COL5A1: variants seen among roughly 807,000 people sequenced by gnomAD.
COL5A1 encodes collagen alpha-1(V) chain.
COL5A1 carries 16 observed loss-of-function variants against 263.7 expected under a neutral mutation model. The observed-to-expected ratio is 0.06, with a 90% confidence interval of 0.04 to 0.09. COL5A1 has a LOEUF of 0.09. Among genes scored for constraint, COL5A1 ranks in the 10% least tolerant of loss-of-function variants. COL5A1 has a pLI of 1.00. For missense variants in COL5A1, 2,036 were observed against 2,540.5 expected (o/e 0.80, Z 4.27); for synonymous variants, 1,012 against 1,004.5 (o/e 1.01, Z -0.14).
chr9:134,694,917 G>A (rs928297524), intron 2 of COL5A1, among the ~76,000 whole-genome samples: 2 of 152,118 alleles, frequency 1.3e-5, no homozygotes, highest in African/African-American at 4.8e-5. Context: ...TGGGATCCAC[G>A]TCCCCACTGG....
At chr9:134,828,231 G>A (rs191013846) in intron 63 of COL5A1, among the ~76,000 whole-genome samples, 243 of 152,256 alleles carry the variant, frequency 1.6e-3, no homozygotes, top group African/African-American at 5.7e-3. Context: ...ATCCATCCGT[G>A]GCGTCACTGA....
chr9:134,665,624 G>A (rs183299449), intron 1 of COL5A1, among the ~76,000 whole-genome samples: 107 of 152,300 alleles, frequency 7.0e-4, no homozygotes, highest in African/African-American at 2.3e-3. Flanking sequence ...GGTTGAATGC[G>A]TTGTTGTTCA....
chr9:134,685,044 A>ACCAT (rs1832972522), intron 1 of COL5A1, among the ~76,000 whole-genome samples: 19 of 72,414 alleles, frequency 2.6e-4, no homozygotes, highest in East Asian at 4.1e-4. Context: ...TCATCCATCC[A>ACCAT]CCATCCATCC....
chr9:134,759,539 A>ATG (rs1836171093), intron 18 of COL5A1, among the ~76,000 whole-genome samples: 1 of 76,942 alleles, frequency 1.3e-5, no homozygotes, highest in East Asian at 1.1e-3. Context: ...TACACCACAC[A>ATG]TGCGCACACA....
Position 134,763,675 on chromosome 9 carries a change from CT to C in COL5A1, c.1990-12del. 3 of 1,613,276 alleles carry C rather than the reference CT, an allele frequency of 1.9e-6. No individual in the cohort carries two copies. Among genetic ancestry groups the C allele is most frequent in the South Asian group, 1.1e-5 (1 of 90,964 alleles). ...TAACAGCTCATTTCTCTAACCTTGC[CT>C]TTTTTCTCCTCTGCAGGGTGACGAC... On this transcript the variant is annotated splice_polypyrimidine_tract_variant and intron_variant, in intron 19 of 65. Transcript: ENST00000371817.
chr9:134,724,851 T>C (rs1396302888), intron 4 of COL5A1, among the ~76,000 whole-genome samples: 5 of 151,788 alleles, frequency 3.3e-5, no homozygotes, highest in African/African-American at 1.2e-4. Flanking sequence ...GGAGTGAAGG[T>C]TCCGATGAAC....
Position 134,835,060 on chromosome 9 carries a change from C to G in COL5A1, c.5226C>G (p.Val1742=), listed in dbSNP as rs1355725982. Reference sequence around the variant, plus strand: ...TGAGCGCCTCTGCCCACCAGAACGTCACCTACCACTGCTACCAGTCAGTGG... The same window carrying G: ...TGAGCGCCTCTGCCCACCAGAACGTGACCTACCACTGCTACCAGTCAGTGG... ...RLLSASAHQN[V]TYHCYQSVAW... is the part of the protein sequence containing the mutation. Residue 1742 remains valine, a synonymous_variant, in exon 65 of 66, where the codon GTC becomes GTG. Coordinates refer to ENST00000371817, the MANE Select transcript of COL5A1 (RefSeq NM_000093.5). 1 of 1,613,436 alleles carries G rather than the reference C, an allele frequency of 6.2e-7. No homozygotes were observed. The highest frequency in any genetic ancestry group is 8.5e-7 in the Non-Finnish European group (1 of 1,180,034).
chr9:134,754,191 G>T lies in COL5A1; in HGVS notation c.1774-82G>T. The stretch of plus-strand genomic sequence containing the variant: ...TGGACAGCCAGGCATGGGCAGGGTC[G>T]ATGAGCACAGGGACAAGGCTTTGCT... On this transcript the variant is annotated intron_variant, in intron 15 of 65. Transcript: ENST00000371817. The surrounding 1 kb of genome is among the most constrained non-coding windows in gnomAD (Gnocchi z 4.3). The T allele has an allele frequency of 6.8e-7, 1 of 1,466,506 alleles. No homozygotes were observed. The allele number at this position is 1,466,506 out of a possible 1,614,324, so 90.8% of individuals were successfully genotyped here. A position where few individuals can be genotyped will look rare whatever the true frequency, so the allele number is the denominator to read the frequency against.
Position 134,829,513 on chromosome 9 carries a change from C to T in COL5A1, c.5068-463C>T, listed in dbSNP as rs868735725. Among the ~76,000 whole-genome samples the T allele has an allele frequency of 1.5e-3, 223 of 145,288 alleles. 5 individuals are homozygous for T. The highest frequency in any genetic ancestry group is 2.3e-4 in the Non-Finnish European group (15 of 66,620). Reference sequence around the variant, plus strand: ...CTCCTCACGCAGCCTCCAGTCTCCCCGAGGGCTGGGGCCAGGCTCCTCCTC... The same window carrying T: ...CTCCTCACGCAGCCTCCAGTCTCCCTGAGGGCTGGGGCCAGGCTCCTCCTC... On this transcript the variant is annotated intron_variant, in intron 63 of 65. Coordinates refer to ENST00000371817, the MANE Select transcript of COL5A1 (RefSeq NM_000093.5).
intron 4 of COL5A1, among the ~76,000 whole-genome samples, chr9:134,726,750 GTGGATGGATGGA>G (rs372291379): frequency 6.6e-6 from 1 of 150,714 alleles, no homozygotes; most frequent in Non-Finnish European, 1.5e-5. Flanking sequence ...GAATGAAAGA[GTGGATGGATGGA>G]TGGATGGATG....
chr9:134,709,377 T>G (rs529690893), intron 4 of COL5A1: 5 of 278,598 alleles, frequency 1.8e-5, no homozygotes, highest in Non-Finnish European at 2.8e-5. Flanking sequence ...CCTGGTGCAG[T>G]AGGCAGCTGC....
intron 42 of COL5A1, among the ~76,000 whole-genome samples, chr9:134,808,575 ATGT>A (rs1246051769): frequency 4.6e-5 from 7 of 152,204 alleles, no homozygotes; most frequent in East Asian, 3.9e-4. Flanking sequence ...ACGTGTGCAC[ATGT>A]TGGTGCATAT....
At chr9:134,761,027 C>T (rs1231204196) in intron 18 of COL5A1, among the ~76,000 whole-genome samples, 4 of 149,906 alleles carry the variant, frequency 2.7e-5, no homozygotes, top group African/African-American at 4.9e-5. Context: ...CGCATACACA[C>T]GTGCACAGGC....
chr9:134,751,499 C>T (rs1165699785), intron 13 of COL5A1, among the ~76,000 whole-genome samples: 1 of 152,162 alleles, frequency 6.6e-6, no homozygotes, highest in Non-Finnish European at 1.5e-5. Flanking sequence ...AGCCCTTGGG[C>T]CCCAGAGCCC....
At chr9:134,785,879 T>C in intron 30 of COL5A1, 116 bp from the exon 31 acceptor site, 1 of 959,136 alleles carries the variant, frequency 1.0e-6, no homozygotes, top group Non-Finnish European at 1.6e-6. Context: ...CCCCCGCCTC[T>C]GGAAACCACA....
At chr9:134,790,045 G>A (rs1588552044) in intron 32 of COL5A1, among the ~76,000 whole-genome samples, 1 of 152,154 alleles carries the variant, frequency 6.6e-6, no homozygotes, top group African/African-American at 2.4e-5. Flanking sequence ...CTGCCTTGTA[G>A]CCCCAGCCAT....
intron 20 of COL5A1, among the ~76,000 whole-genome samples, chr9:134,764,167 A>G (rs2132722643): frequency 8.2e-6 from 1 of 122,312 alleles, no homozygotes; most frequent in Non-Finnish European, 1.7e-5. Flanking sequence ...GTCCAGGGTC[A>G]GCATGGGTGG....
In COL5A1 at chr9:134,696,862, A is replaced by G. The variant is rs991873784; in HGVS notation, c.278-3047A>G. Among the ~76,000 whole-genome samples the G allele has an allele frequency of 6.6e-6, 1 of 152,118 alleles. No homozygotes were observed. Among genetic ancestry groups the G allele is most frequent in the Non-Finnish European group, 1.5e-5 (1 of 68,014 alleles). Reference sequence around the variant, plus strand: ...AAGGCAGGCGGATCACGAGGTCAGGAGATCGAGACCATCCTGGCTAACACG... The same window carrying G: ...AAGGCAGGCGGATCACGAGGTCAGGGGATCGAGACCATCCTGGCTAACACG... On this transcript the variant is annotated intron_variant, in intron 2 of 65. Transcript: ENST00000371817. The surrounding 1 kb of genome is among the most constrained non-coding windows in gnomAD (Gnocchi z 4.3).
In COL5A1 at chr9:134,817,921, T is replaced by C. The variant is rs1838826390; in HGVS notation, c.4230+90T>C. 5 of 1,356,158 alleles carry C rather than the reference T, an allele frequency of 3.7e-6. No homozygotes were observed. The African/African-American group carries it at 5.8e-5, about 16-fold the overall frequency. 84.0% of individuals were successfully genotyped at this position (1,356,158 alleles called of 1,614,324 possible). On this transcript the variant is annotated intron_variant, in intron 54 of 65. Transcript: ENST00000371817. ...GAGTGGACAAGCGTGTGGGCAGAGA[T>C]GTCCATGGAGGCTGAGAGTGGCTGC... is the stretch of plus-strand genomic sequence containing the variant.
Sources: allele counts gnomAD v4.1 joint callset (sites outside exome capture counted in the v4.1 genomes callset), GRCh38; gene constraint gnomAD v4.1.1; non-coding constraint Gnocchi (gnomAD v3.1); transcripts MANE v1.5; gene names NCBI Gene and HGNC (gene_info 2026-07-23, HGNC 2026-07-21).